IRAG1: variants seen among roughly 807,000 people sequenced by gnomAD.
The protein encoded by IRAG1 is inositol 1,4,5-triphosphate receptor associated 1.
A neutral mutation model predicts 106.2 loss-of-function variants in IRAG1; 62 were observed. The ratio of observed to expected loss-of-function variants is 0.58; its 90% CI spans 0.48 to 0.72. IRAG1 has a LOEUF of 0.72. Ranked by LOEUF, IRAG1 falls within the 30% of genes least tolerant of loss-of-function variation. The pLI, the probability that IRAG1 is intolerant of heterozygous loss-of-function variation, is 0.00. For synonymous variants in IRAG1, 462 were observed against 443.9 expected (o/e 1.04, Z -0.51); for missense variants, 1,064 against 1,140.7 (o/e 0.93, Z 0.97).
intron 10 of IRAG1, among the ~76,000 whole-genome samples, chr11:10,621,781 A>T (rs1416417617): frequency 6.6e-6 from 1 of 152,202 alleles, no homozygotes. Context: ...ATTAATTAAG[A>T]TTGAATTAAA....
At chr11:10,660,152 G>A (rs962006878) in intron 1 of IRAG1, among the ~76,000 whole-genome samples, 1 of 152,198 alleles carries the variant, frequency 6.6e-6, no homozygotes, top group African/African-American at 2.4e-5. Context: ...CTTTAGTGGT[G>A]CACAGGAGCC....
chr11:10,646,349 ATCCTCCCTTCCT>A (rs376214544), intron 2 of IRAG1, among the ~76,000 whole-genome samples: 20 of 152,192 alleles, frequency 1.3e-4, no homozygotes, highest in South Asian at 6.2e-4. Flanking sequence ...CATATCTACT[ATCCTCCCTTCCT>A]TCCTCCCTTC....
chr11:10,594,015 A>G (rs1852976902), intron 16 of IRAG1, 131 bp downstream of exon 16: 4 of 869,320 alleles, frequency 4.6e-6, no homozygotes. Context: ...AGAGTGTGGA[A>G]AGCCGAATAG....
chr11:10,614,713 G>A (rs950556672), intron 10 of IRAG1, among the ~76,000 whole-genome samples: 5 of 152,190 alleles, frequency 3.3e-5, no homozygotes, highest in African/African-American at 1.2e-4. Context: ...TTTAATAAAT[G>A]GTGCTGGGAA....
chr11:10,594,013 GA>G, intron 16 of IRAG1, 132 bp downstream of exon 16: 1 of 861,320 alleles, frequency 1.2e-6, no homozygotes, highest in Non-Finnish European at 1.8e-6. Context: ...TGAGAGTGTG[GA>G]AAGCCGAATA....
intron 2 of IRAG1, among the ~76,000 whole-genome samples, chr11:10,649,819 G>A (rs539869049): frequency 7.2e-5 from 11 of 152,236 alleles, no homozygotes; most frequent in African/African-American, 2.6e-4. Context: ...CCAAATTCCA[G>A]TTCCCCACAA....
Position 10,659,795 on chromosome 11 carries a change from G to A in IRAG1, c.68-7613C>T, listed in dbSNP as rs748695161. 2.6e-5 allele frequency among the ~76,000 whole-genome samples: 4 copies of A among 151,968 alleles called. No homozygotes were observed. Among genetic ancestry groups the A allele is most frequent in the Non-Finnish European group, 5.9e-5 (4 of 68,008 alleles). On this transcript the variant is annotated intron_variant, in intron 1 of 20. Transcript: ENST00000423302. The surrounding 1 kb of genome is among the most constrained non-coding windows in gnomAD (Gnocchi z 4.1). The stretch of plus-strand genomic sequence containing the variant: ...CAATCGGAGGCAGTTCAAAGGCACC[G>A]AGAATAGCAGCAAAGTATCTGAGCC...
At chr11:10,582,163 T>C (rs75913114) in intron 18 of IRAG1, among the ~76,000 whole-genome samples, 177 bp from the exon 19 acceptor site, 13,925 of 152,238 alleles carry the variant, frequency 0.091, 801 homozygotes, top group Admixed American at 0.14. Flanking sequence ...AAGGTCCTAG[T>C]CCATGAATTT....
At chr11:10,615,718 C>T (rs576403633) in intron 10 of IRAG1, among the ~76,000 whole-genome samples, 9 of 151,654 alleles carry the variant, frequency 5.9e-5, no homozygotes, top group Admixed American at 2.0e-4. Flanking sequence ...CACTCATAGG[C>T]GGGAATTGAA....
intron 10 of IRAG1, among the ~76,000 whole-genome samples, chr11:10,621,509 A>G (rs114476735): frequency 0.026 from 4,034 of 152,246 alleles, 195 homozygotes; most frequent in African/African-American, 0.092. Flanking sequence ...ATCCCCTTCA[A>G]CCAGAGCAGC....
intron 1 of IRAG1, among the ~76,000 whole-genome samples, chr11:10,660,543 T>C (rs985937361): frequency 2.0e-5 from 3 of 152,154 alleles, no homozygotes; most frequent in Admixed American, 6.5e-5. Flanking sequence ...CCGTGGAACA[T>C]TGCCAGCACA....
rs115496988 is a variant in IRAG1, at chr11:10,631,977, G to T, written c.400+14C>A. 1,877 of 1,611,526 alleles carry T rather than the reference G, an allele frequency of 1.2e-3. 21 individuals carry two copies. In the African/African-American group the frequency reaches 0.021, roughly 18 times the overall value. On this transcript the variant is annotated intron_variant, in intron 4 of 20. Transcript: ENST00000423302. ...CTTTCTACTCAACATGCCTTAGATT[G>T]CCCTGGTCCTTACCCACAGATGTCA... is the stretch of plus-strand genomic sequence containing the variant.
intron 15 of IRAG1, 114 bp from the exon 16 acceptor site, chr11:10,594,309 G>T: frequency 1.0e-6 from 1 of 975,512 alleles, no homozygotes; most frequent in Non-Finnish European, 1.6e-6. Flanking sequence ...TCAAGGGATA[G>T]CCCAAGGGTC....
At chr11:10,597,249 T>C (rs767564318) in intron 15 of IRAG1, among the ~76,000 whole-genome samples, 1 of 152,206 alleles carries the variant, frequency 6.6e-6, no homozygotes, top group Non-Finnish European at 1.5e-5. Context: ...TATTCCTCAT[T>C]TTGAGGAGTT....
intron 12 of IRAG1, among the ~76,000 whole-genome samples, chr11:10,605,902 C>T (rs1452492351): frequency 1.3e-5 from 2 of 152,208 alleles, no homozygotes; most frequent in Non-Finnish European, 2.9e-5. Context: ...AGTGAGAACA[C>T]TTGGATCTAG....
At chr11:10,629,856 G>A in intron 4 of IRAG1, 145 bp from the exon 5 acceptor site, 4 of 784,366 alleles carry the variant, frequency 5.1e-6, no homozygotes, top group Non-Finnish European at 8.0e-6. Flanking sequence ...CAAGAGGGTT[G>A]CATGGGGACA....
rs763708651 is a variant in IRAG1, at chr11:10,580,461, C to G, written c.2489G>C (p.Arg830Thr). ...CCAAACACAGGCTTCCCACCTGCTT[C>G]TTGGGCCCTTTTCCTCTTCCTCAGT... ...EETEEEEKGP[R>T]SSKLEELVHF... is the part of the protein sequence containing the mutation. Residue 830 changes from arginine to threonine, a missense_variant, in exon 20 of 21, where the codon AGA becomes ACA. Transcript: ENST00000423302. 3 of 1,612,350 alleles carry G rather than the reference C, an allele frequency of 1.9e-6. No homozygotes were observed. Among genetic ancestry groups the G allele is most frequent in the Non-Finnish European group, 2.5e-6 (3 of 1,179,452 alleles).
intron 17 of IRAG1, 91 bp from the exon 18 acceptor site, chr11:10,591,703 G>T: frequency 8.5e-7 from 1 of 1,177,010 alleles, no homozygotes; most frequent in Non-Finnish European, 1.2e-6. Context: ...TGGGAGCGGG[G>T]CTGCTGCTTC....
At chr11:10,587,914 C>A (rs971987206) in intron 18 of IRAG1, among the ~76,000 whole-genome samples, 2 of 152,204 alleles carry the variant, frequency 1.3e-5, no homozygotes, top group African/African-American at 4.8e-5. Context: ...TAACCTCAGG[C>A]AAGTGACGAT....
Sources: allele counts gnomAD v4.1 joint callset (sites outside exome capture counted in the v4.1 genomes callset), GRCh38; gene constraint gnomAD v4.1.1; non-coding constraint Gnocchi (gnomAD v3.1); transcripts MANE v1.5; gene names NCBI Gene and HGNC (gene_info 2026-07-23, HGNC 2026-07-21).